The following CIB1 variants were observed in gnomAD, a reference collection of about 807,000 sequenced individuals.
CIB1 encodes calcium and integrin binding 1.
Under a neutral mutation model 25.0 loss-of-function variants are expected in CIB1, and 19 were observed. The observed-to-expected ratio is 0.76, with a 90% CI of 0.53 to 1.12. The LOEUF is 1.12. Ranked by LOEUF, CIB1 falls within the 50% of genes most tolerant of loss-of-function variation. The pLI is 0.00. For missense variants in CIB1, 236 were observed against 242.6 expected, an observed-to-expected ratio of 0.97 and a Z score of 0.18; for synonymous variants, 104 against 98.5, an observed-to-expected ratio of 1.06 and a Z score of -0.33.
At chr15:90,231,236 CAA>C (rs1479512346) in intron 4 of CIB1, 23 bp from the exon 5 acceptor site, 1 of 1,613,380 alleles carries the variant, frequency 6.2e-7, no homozygotes, top group Non-Finnish European at 8.5e-7. Flanking sequence ...CACAGGAAGC[CAA>C]AAGACACGGT....
chr15:90,252,127 C>T, the CIB1 span, among the ~76,000 whole-genome samples: 1 of 150,598 alleles, frequency 6.6e-6, no homozygotes, highest in Non-Finnish European at 1.5e-5. Flanking sequence ...GCAACCTCCA[C>T]CACCCAGGTT....
the CIB1 span, among the ~76,000 whole-genome samples, chr15:90,256,555 T>TTCTTTCTTTCTTTC: frequency 2.6e-5 from 1 of 38,956 alleles, no homozygotes; most frequent in African/African-American, 1.2e-4. Context: ...TTTTCTTTCT[T>TTCTTTCTTTCTTTC]TCTTTCTTTC....
rs150421465 is a variant in CIB1 at position 90,231,179 on chromosome 15, G to C, written c.381C>G (p.Asp127Glu). Reference sequence around the variant, plus strand: ...TGAGGCAGTTCACCAGCCGGCTCAGGTCTTCTCTGTTCAAGGTTCCGTCAT... The same window carrying C: ...TGAGGCAGTTCACCAGCCGGCTCAGCTCTTCTCTGTTCAAGGTTCCGTCAT... ...FDDDGTLNRE[D>E]LSRLVNCLTG... is the part of the protein sequence containing the mutation. The change falls in exon 5 of 7, where the codon GAC becomes GAG. Residue 127 changes from aspartate (D) to glutamate (E), a missense_variant. Transcript: ENST00000328649. The C allele has an allele frequency of 1.2e-6, 2 of 1,613,798 alleles. No homozygotes were observed. The highest frequency in any genetic ancestry group is 8.5e-7 in the Non-Finnish European group (1 of 1,179,994).
chr15:90,258,154 G>A, the CIB1 span: 53 of 1,614,084 alleles, frequency 3.3e-5, 1 homozygote, highest in Non-Finnish European at 3.8e-5. Flanking sequence ...TCTGTTCTAC[G>A]CCACAACTAC....
rs756336543 is a variant in CIB1 at position 90,230,464 on chromosome 15, GAC to G, written c.*18_*19del. 3.2e-6 allele frequency: 5 copies of G among 1,551,478 alleles called. No individual in the cohort carries two copies. In the South Asian group the frequency reaches 4.8e-5, roughly 15 times the overall value. ...GAAAGGTTCTTGGACAGGGTGCCAG[GAC>G]ACACGCTGGGGCTGCTGTCACAGGA... On this transcript the variant is annotated 3_prime_UTR_variant, in exon 7 of 7. Coordinates refer to ENST00000328649, the MANE Select transcript of CIB1 (RefSeq NM_006384.4).
chr15:90,231,770 G>C (rs546550136), intron 3 of CIB1, among the ~76,000 whole-genome samples: 1 of 152,356 alleles, frequency 6.6e-6, no homozygotes, highest in South Asian at 2.1e-4. Context: ...TGTGGGCAGA[G>C]AGGGAAGAAG....
the CIB1 span, among the ~76,000 whole-genome samples, chr15:90,253,809 G>A: frequency 6.6e-6 from 1 of 152,286 alleles, no homozygotes; most frequent in African/African-American, 2.4e-5. Flanking sequence ...GATCCACCGG[G>A]GTCCACAAGA....
At chr15:90,260,447 A>G in the CIB1 span, among the ~76,000 whole-genome samples, 1 of 152,214 alleles carries the variant, frequency 6.6e-6, no homozygotes, top group Non-Finnish European at 1.5e-5. Context: ...TAGCGAACTG[A>G]GACTGCATCA....
chr15:90,256,543 CTTTTTCTTTCTT>C, the CIB1 span, among the ~76,000 whole-genome samples: 94 of 141,206 alleles, frequency 6.7e-4, 1 homozygote, highest in African/African-American at 2.4e-3. Flanking sequence ...TGTCTCCTTC[CTTTTTCTTTCTT>C]TCTTTCTTTC....
the CIB1 span, among the ~76,000 whole-genome samples, chr15:90,260,138 G>T: frequency 3.9e-4 from 59 of 152,310 alleles, no homozygotes; most frequent in Non-Finnish European, 6.9e-4. Context: ...AGGAAAAATG[G>T]TTGAACAGTA....
chr15:90,263,933 G>A, the CIB1 span: 20 of 1,507,904 alleles, frequency 1.3e-5, no homozygotes, highest in East Asian at 2.0e-4. Context: ...CATGTTCCCC[G>A]GTACCATCTG....
the CIB1 span, chr15:90,242,944 G>A: frequency 6.6e-6 from 1 of 152,124 alleles, no homozygotes; most frequent in African/African-American, 2.4e-5. Context: ...CTCTTTAAAG[G>A]GGAGAAAATC....
At chr15:90,238,334 G>A (rs1354940033), upstream of CIB1, among the ~76,000 whole-genome samples, 1 of 152,126 alleles carries the variant, frequency 6.6e-6, no homozygotes, top group East Asian at 1.9e-4. Flanking sequence ...CCATTTCTAA[G>A]TGTATAGTCG....
Position 90,231,219 on chromosome 15 carries a change from G to A in CIB1, c.347-6C>T, listed in dbSNP as rs199557034. 1 of 403,822 alleles carries A rather than the reference G, an allele frequency of 2.5e-6. No homozygotes were observed. The highest frequency in any genetic ancestry group is 3.2e-6 in the Non-Finnish European group (1 of 314,972). 25.0% of individuals were successfully genotyped at this position (403,822 alleles called of 1,614,324 possible). A position where few individuals can be genotyped will look rare whatever the true frequency, so the allele number is the denominator to read the frequency against. On this transcript the variant is annotated splice_polypyrimidine_tract_variant and splice_region_variant and intron_variant, in intron 4 of 6. Coordinates refer to ENST00000328649, the MANE Select transcript of CIB1 (RefSeq NM_006384.4). ...GGTTCCGTCATCATCAAAGTCTAGA[G>A]AGCAGACACAGGAAGCCAAAAGACA...
At chr15:90,250,360 G>A in the CIB1 span, among the ~76,000 whole-genome samples, 3 of 152,198 alleles carry the variant, frequency 2.0e-5, no homozygotes, top group African/African-American at 4.8e-5. Flanking sequence ...ACCCCTGTGC[G>A]TTGTATGATC....
At chr15:90,235,728 C>T (rs961483294), upstream of CIB1, among the ~76,000 whole-genome samples, 5 of 151,882 alleles carry the variant, frequency 3.3e-5, no homozygotes, top group African/African-American at 1.2e-4. Flanking sequence ...CCACCACACC[C>T]GGCTAATTTT....
At chr15:90,259,230 A>T in the CIB1 span, 2 of 375,878 alleles carry the variant, frequency 5.3e-6, no homozygotes, top group African/African-American at 2.1e-5. Flanking sequence ...AATAATAATT[A>T]AAAAATAAAA....
intron 3 of CIB1, among the ~76,000 whole-genome samples, chr15:90,231,867 G>A (rs570124117): frequency 1.8e-4 from 27 of 152,344 alleles, no homozygotes; most frequent in Non-Finnish European, 2.9e-4. Flanking sequence ...TACAGGCACC[G>A]GGCCAGGCCC....
chr15:90,254,491 TAAA>T, the CIB1 span, among the ~76,000 whole-genome samples: 2 of 84,198 alleles, frequency 2.4e-5, no homozygotes. Flanking sequence ...AGACTCCATC[TAAA>T]AAAAAAAAAA....
Sources: allele counts gnomAD v4.1 joint callset (sites outside exome capture counted in the v4.1 genomes callset), GRCh38; gene constraint gnomAD v4.1.1; transcripts MANE v1.5; gene names NCBI Gene and HGNC (gene_info 2026-07-23, HGNC 2026-07-21).